Variants in KDM2A observed in about 807,000 individuals in gnomAD.
KDM2A encodes lysine-specific demethylase 2A.
KDM2A carries 3 observed loss-of-function variants against 137.3 expected under a neutral mutation model. The observed-to-expected ratio is 0.02, with a 90% CI of 0.01 to 0.06. The LOEUF is 0.06. Among genes scored for constraint, KDM2A ranks in the 10% least tolerant of loss-of-function variants. The pLI is 1.00. For missense variants in KDM2A, 738 were observed against 1,510.6 expected, an observed-to-expected ratio of 0.49 and a Z score of 8.48; for synonymous variants, 512 against 541.5, an observed-to-expected ratio of 0.95 and a Z score of 0.76.
intron 2 of KDM2A, among the ~76,000 whole-genome samples, chr11:67,146,273 A>T (rs1856245251): frequency 1.3e-5 from 2 of 151,894 alleles, no homozygotes; most frequent in African/African-American, 4.8e-5. Flanking sequence ...GATTACAGGC[A>T]TGAGCCACCG....
intron 2 of KDM2A, among the ~76,000 whole-genome samples, chr11:67,153,900 T>A (rs896916989): frequency 2.6e-5 from 4 of 152,194 alleles, no homozygotes; most frequent in Non-Finnish European, 4.4e-5. Context: ...TTGTCACATT[T>A]AAAATTTTCT....
At chr11:67,205,162 A>G (rs532697911) in intron 5 of KDM2A, among the ~76,000 whole-genome samples, 1 of 152,092 alleles carries the variant, frequency 6.6e-6, no homozygotes, top group Non-Finnish European at 1.5e-5. Context: ...TTTTGCTAGC[A>G]CTCATTATTT....
intron 2 of KDM2A, among the ~76,000 whole-genome samples, chr11:67,124,594 G>C (rs1045371652): frequency 1.3e-5 from 2 of 149,732 alleles, no homozygotes; most frequent in South Asian, 4.2e-4. Context: ...TTACAGGTGC[G>C]AGCCACTGTG....
intron 2 of KDM2A, among the ~76,000 whole-genome samples, chr11:67,144,054 G>T (rs1343212853): frequency 6.6e-6 from 1 of 151,254 alleles, no homozygotes; most frequent in Admixed American, 6.6e-5. Context: ...CGATTCTCCT[G>T]CCTCAAACCT....
chr11:67,203,640 G>GGTGGCATGCA (rs1857714893), intron 5 of KDM2A, among the ~76,000 whole-genome samples: 1 of 151,344 alleles, frequency 6.6e-6, no homozygotes, highest in South Asian at 2.1e-4. Context: ...TGTAGTCCCA[G>GGTGGCATGCA]CTACTCAGGA....
At chr11:67,193,821 G>A (rs925043221) in intron 5 of KDM2A, among the ~76,000 whole-genome samples, 10 of 152,138 alleles carry the variant, frequency 6.6e-5, no homozygotes, top group South Asian at 4.1e-4. Flanking sequence ...AGACCATGTC[G>A]TTGTATTCCA....
chr11:67,253,526 T>G lies in KDM2A; in HGVS notation c.3006T>G (p.Leu1002=). ...CCCTCAGCACCTCCAGCTGCCCCCT[T>G]CTCAGGACCCTTGATCTTCGGTGGG... ...VSALSTSSCP[L]LRTLDLRWAV... The change falls in exon 19 of 21, where the codon CTT becomes CTG. Residue 1002 remains leucine (L), a synonymous_variant. Transcript: ENST00000529006. 1 of 1,613,836 alleles carries G rather than the reference T, an allele frequency of 6.2e-7. No individual in the cohort carries two copies. The highest frequency in any genetic ancestry group is 8.5e-7 in the Non-Finnish European group (1 of 1,179,826).
intron 2 of KDM2A, among the ~76,000 whole-genome samples, chr11:67,148,841 C>G (rs531001796): frequency 6.6e-6 from 1 of 151,928 alleles, no homozygotes; most frequent in Non-Finnish European, 1.5e-5. Flanking sequence ...ATAATCCACA[C>G]CCTAAAGTGC....
chr11:67,180,956 C>T (rs900436208), intron 3 of KDM2A, among the ~76,000 whole-genome samples: 1 of 148,532 alleles, frequency 6.7e-6, no homozygotes, highest in African/African-American at 2.6e-5. Flanking sequence ...GCCACCACAC[C>T]TGGCCCTTTT....
chr11:67,179,938 A>G (rs944847383), intron 2 of KDM2A, 141 bp from the exon 3 acceptor site: 7 of 745,118 alleles, frequency 9.4e-6, no homozygotes, highest in Non-Finnish European at 1.5e-5. Flanking sequence ...CTATCTTGAG[A>G]GAAAGAAAAG....
At chr11:67,177,452 G>GT (rs202195285) in intron 2 of KDM2A, among the ~76,000 whole-genome samples, 21 of 148,882 alleles carry the variant, frequency 1.4e-4, no homozygotes, top group East Asian at 1.9e-4. Flanking sequence ...GTCTACTAAA[G>GT]TTTTTTTTTT....
At chr11:67,198,300 A>G (rs1590773883) in intron 5 of KDM2A, among the ~76,000 whole-genome samples, 2 of 149,402 alleles carry the variant, frequency 1.3e-5, no homozygotes, top group African/African-American at 2.5e-5. Context: ...ATTTTATTGC[A>G]CTTTGCAGAT....
chr11:67,122,417 C>A (rs569295822), intron 2 of KDM2A, among the ~76,000 whole-genome samples: 2 of 152,236 alleles, frequency 1.3e-5, no homozygotes, highest in East Asian at 3.9e-4. Flanking sequence ...GCCTCCACCT[C>A]CTGGGTTCAA....
chr11:67,230,964 T>G (rs1858697616), intron 11 of KDM2A, among the ~76,000 whole-genome samples: 1 of 151,968 alleles, frequency 6.6e-6, no homozygotes, highest in East Asian at 1.9e-4. Context: ...TTTTTTTGTT[T>G]GTTTTTTTTT....
At chr11:67,194,025 A>T (rs1857421440) in intron 5 of KDM2A, among the ~76,000 whole-genome samples, 1 of 152,172 alleles carries the variant, frequency 6.6e-6, no homozygotes, top group Non-Finnish European at 1.5e-5. Context: ...TTAGATACTA[A>T]TCTTGCCAAA....
chr11:67,161,368 T>C (rs528045085), intron 2 of KDM2A, among the ~76,000 whole-genome samples: 61 of 152,322 alleles, frequency 4.0e-4, no homozygotes, highest in Non-Finnish European at 7.5e-4. Context: ...GTATCACAAA[T>C]GTTTAGTTTT....
intron 5 of KDM2A, chr11:67,195,954 A>G (rs674499): frequency 0.8 from 336,890 of 420,686 alleles, 147,433 homozygotes; most frequent in South Asian, 0.92. Flanking sequence ...CAAATCCACA[A>G]TATCTTCTAT....
intron 2 of KDM2A, among the ~76,000 whole-genome samples, chr11:67,159,988 A>G (rs929524658): frequency 3.3e-5 from 5 of 152,242 alleles, no homozygotes; most frequent in African/African-American, 9.6e-5. Context: ...TGAACTATAC[A>G]CAAATTCAGC....
At chr11:67,252,341 T>A (rs1859454680) in intron 17 of KDM2A, 1 of 298,374 alleles carries the variant, frequency 3.4e-6, no homozygotes, top group African/African-American at 2.2e-5. Context: ...CTCCCTTATA[T>A]ACACTTCAGC....
Sources: allele counts gnomAD v4.1 joint callset (sites outside exome capture counted in the v4.1 genomes callset), GRCh38; gene constraint gnomAD v4.1.1; transcripts MANE v1.5; gene names NCBI Gene and HGNC (gene_info 2026-07-23, HGNC 2026-07-21).